HS3ST5: variants seen among roughly 807,000 people sequenced by gnomAD.
HS3ST5 encodes the protein heparan sulfate-glucosamine 3-sulfotransferase 5.
Under a neutral mutation model 25.4 loss-of-function variants are expected in HS3ST5, and 10 were observed. The ratio of observed to expected loss-of-function variants is 0.39; its 90% CI spans 0.24 to 0.67. The LOEUF is 0.67. Among genes scored for constraint, HS3ST5 ranks in the 30% least tolerant of loss-of-function variants. The probability of loss-of-function intolerance (pLI) is 0.44; values close to 1 mark genes in which losing one functional copy is unlikely to be tolerated. For missense variants in HS3ST5, 324 were observed against 420.7 expected (o/e 0.77, Z 2.01); for synonymous variants, 170 against 162.4 (o/e 1.05, Z -0.36).
In HS3ST5 at chr6:114,309,894, C is replaced by A. The variant is rs142179796; in HGVS notation, c.-339+32301G>T. Among the ~76,000 whole-genome samples, 911 of 152,240 alleles carry A rather than the reference C, an allele frequency of 6.0e-3. 8 individuals are homozygous for A. Among genetic ancestry groups the A allele is most frequent in the Non-Finnish European group, 8.9e-3 (602 of 68,002 alleles). ...TTAAGTTTGCACTAAATATTGCCTG[C>A]CAGGGCTCTTTTCCAACTTTGATTT... On this transcript the variant is annotated intron_variant, in intron 1 of 4. Coordinates refer to ENST00000312719, the MANE Select transcript of HS3ST5 (RefSeq NM_153612.4).
chr6:114,256,905 A>C lies in HS3ST5; in HGVS notation c.-338-28127T>G, dbSNP rs142261784. Among the ~76,000 whole-genome samples, 43 of 152,324 alleles carry C rather than the reference A, an allele frequency of 2.8e-4. No homozygotes were observed. The East Asian group carries it at 8.3e-3, about 29-fold the overall frequency. On this transcript the variant is annotated intron_variant, in intron 1 of 4. Coordinates refer to ENST00000312719, the MANE Select transcript of HS3ST5 (RefSeq NM_153612.4). The stretch of plus-strand genomic sequence containing the variant: ...AGGCTGGTTAAATTATTAAAGAAAA[A>C]AAAGGTTTAATGGACTTATAGTTTC...
At position 114,329,138 on chromosome 6, in the gene HS3ST5, G is replaced by C. The variant is rs535008402; in HGVS notation, c.-339+13057C>G. Among the ~76,000 whole-genome samples, 86 of 152,264 alleles carry C rather than the reference G, an allele frequency of 5.6e-4. 1 individual carries two copies. The highest frequency in any genetic ancestry group is 2.0e-3 in the African/African-American group (83 of 41,560). ...TCTCTACCATCAAATATTTAGTTCA[G>C]TATGAATGTACCTTCTAATTGCTGG... On this transcript the variant is annotated intron_variant, in intron 1 of 4. Transcript: ENST00000312719.
intron 2 of HS3ST5, among the ~76,000 whole-genome samples, chr6:114,224,467 T>C (rs929822628): frequency 1.3e-5 from 2 of 151,470 alleles, no homozygotes; most frequent in African/African-American, 4.8e-5. Flanking sequence ...TTTAGAATGT[T>C]TACTATTTTC....
At chr6:114,138,065 G>C (rs868000869) in intron 3 of HS3ST5, among the ~76,000 whole-genome samples, 1 of 151,872 alleles carries the variant, frequency 6.6e-6, no homozygotes, top group African/African-American at 2.4e-5. Flanking sequence ...TCTGAGAGTT[G>C]GGTACCTTGT....
intron 2 of HS3ST5, among the ~76,000 whole-genome samples, chr6:114,189,223 T>C (rs1321847520): frequency 2.0e-5 from 3 of 152,196 alleles, no homozygotes; most frequent in Admixed American, 2.0e-4. Flanking sequence ...CTTCTGAATT[T>C]ACCTTGTATT....
At chr6:114,127,750 TA>T (rs745499086) in intron 3 of HS3ST5, among the ~76,000 whole-genome samples, 2 of 151,654 alleles carry the variant, frequency 1.3e-5, no homozygotes, top group East Asian at 3.9e-4. Context: ...CACTCAGCCT[TA>T]AAAAAGAAGG....
intron 2 of HS3ST5, among the ~76,000 whole-genome samples, chr6:114,191,798 T>A (rs968488253): frequency 1.4e-4 from 22 of 152,138 alleles, no homozygotes; most frequent in Admixed American, 1.4e-3. Context: ...CTATTGACCA[T>A]CTTTGAGGCA....
chr6:114,070,088 C>T (rs140827894), intron 3 of HS3ST5, among the ~76,000 whole-genome samples: 45 of 152,222 alleles, frequency 3.0e-4, no homozygotes, highest in African/African-American at 1.1e-3. Context: ...TTTTATCCCT[C>T]ATCCCCTCCC....
intron 1 of HS3ST5, among the ~76,000 whole-genome samples, chr6:114,235,030 G>A (rs1378269877): frequency 6.6e-6 from 1 of 152,074 alleles, no homozygotes; most frequent in African/African-American, 2.4e-5. Flanking sequence ...GGCTGAGGCA[G>A]GAGAATCGCT....
chr6:114,207,159 AT>A (rs1781307300), intron 2 of HS3ST5, among the ~76,000 whole-genome samples: 1 of 152,088 alleles, frequency 6.6e-6, no homozygotes, highest in Non-Finnish European at 1.5e-5. Flanking sequence ...ATTGTCACAC[AT>A]TTTTCTTACC....
At chr6:114,340,972 A>G in intron 1 of HS3ST5, among the ~76,000 whole-genome samples, 1 of 82,624 alleles carries the variant, frequency 1.2e-5, no homozygotes, top group East Asian at 3.5e-4. Flanking sequence ...TTTCGCCCCC[A>G]CCCAACCCGA....
At chr6:114,270,521 C>T (rs1290839727) in intron 1 of HS3ST5, among the ~76,000 whole-genome samples, 1 of 152,134 alleles carries the variant, frequency 6.6e-6, no homozygotes, top group African/African-American at 2.4e-5. Context: ...AAATAAATTA[C>T]ATATTTTAAA....
chr6:114,195,960 T>C (rs980697023), intron 2 of HS3ST5, among the ~76,000 whole-genome samples: 4 of 152,164 alleles, frequency 2.6e-5, no homozygotes, highest in African/African-American at 9.7e-5. Flanking sequence ...GCTAAGGGCC[T>C]GTATGCACAC....
At chr6:114,313,026 A>G (rs796838655) in intron 1 of HS3ST5, among the ~76,000 whole-genome samples, 9 of 65,622 alleles carry the variant, frequency 1.4e-4, no homozygotes, top group African/African-American at 3.5e-4. Context: ...CCTGCATCAG[A>G]AAAAAAAAAA....
intron 2 of HS3ST5, chr6:114,220,571 T>C (rs948383626): frequency 1.3e-5 from 2 of 152,010 alleles, no homozygotes; most frequent in Admixed American, 1.3e-4. Flanking sequence ...CTTTCATAAT[T>C]CATTGAAAAA....
chr6:114,303,550 T>C (rs1008960026), intron 1 of HS3ST5, among the ~76,000 whole-genome samples: 1 of 152,060 alleles, frequency 6.6e-6, no homozygotes, highest in African/African-American at 2.4e-5. Context: ...AACCACTAGT[T>C]TAAGAGAATA....
chr6:114,057,366 C>T lies in HS3ST5; in HGVS notation c.932G>A (p.Arg311His), dbSNP rs766165768. 2.5e-6 allele frequency: 4 copies of T among 1,613,970 alleles called. No individual in the cohort carries two copies. The highest frequency in any genetic ancestry group is 3.4e-6 in the Non-Finnish European group (4 of 1,179,892). ...FNKCLAGSKG[R>H]IHPEVDPSVI... ...AGAGGGGTCCACCTCTGGATGAATGCGCCCCTTGCTGCCCGCCAGGCACTT... is the reference window on the plus strand; with the variant it reads ...AGAGGGGTCCACCTCTGGATGAATGTGCCCCTTGCTGCCCGCCAGGCACTT... The change falls in exon 5 of 5, where the codon CGC becomes CAC. Residue 311 changes from arginine (R) to histidine (H), a missense_variant. By Grantham distance (29) the Arg-to-His change is conservative (BLOSUM62 0). This residue lies in a region of HS3ST5 where 203 missense variants were observed against 303.4 expected (regional missense o/e 0.67). Transcript: ENST00000312719.
At chr6:114,155,523 C>G (rs1236841878) in intron 3 of HS3ST5, among the ~76,000 whole-genome samples, 2 of 152,196 alleles carry the variant, frequency 1.3e-5, no homozygotes, top group African/African-American at 4.8e-5. Context: ...TTGTTACTTA[C>G]CAGATGCCTA....
At chr6:114,270,357 A>T (rs568800316) in intron 1 of HS3ST5, among the ~76,000 whole-genome samples, 1 of 152,324 alleles carries the variant, frequency 6.6e-6, no homozygotes, top group African/African-American at 2.4e-5. Context: ...AAATATAAGA[A>T]GGAACTTTTA....
Sources: allele counts gnomAD v4.1 joint callset (sites outside exome capture counted in the v4.1 genomes callset), GRCh38; gene constraint gnomAD v4.1.1; regional missense constraint gnomAD v4.1.1; transcripts MANE v1.5; gene names NCBI Gene and HGNC (gene_info 2026-07-23, HGNC 2026-07-21).